Variants in NRDC observed in about 807,000 individuals in gnomAD.
The protein encoded by NRDC is nardilysin.
In NRDC, 54 loss-of-function variants were observed where a neutral mutation model predicts 147.1. The ratio of observed to expected loss-of-function variants is 0.37; its 90% CI spans 0.29 to 0.46. NRDC has a LOEUF of 0.46. Ranked by LOEUF, NRDC falls within the 20% of genes least tolerant of loss-of-function variation. The probability of loss-of-function intolerance (pLI) is 1.00; values close to 1 mark genes in which losing one functional copy is unlikely to be tolerated. For synonymous variants in NRDC, 440 were observed against 482.1 expected, an observed-to-expected ratio of 0.91 and a Z score of 1.14; for missense variants, 1,082 against 1,370.6, an observed-to-expected ratio of 0.79 and a Z score of 3.33.
chr1:51,862,198 T>C (rs369804903), intron 1 of NRDC: 1 of 152,150 alleles, frequency 6.6e-6, no homozygotes, highest in Non-Finnish European at 1.5e-5. Flanking sequence ...CCTGCTTGGG[T>C]TAGCAGTTTT....
At chr1:51,872,251 T>A in intron 1 of NRDC, among the ~76,000 whole-genome samples, 1 of 152,200 alleles carries the variant, frequency 6.6e-6, no homozygotes, top group Middle Eastern at 3.2e-3. Flanking sequence ...CCGCCCAAAG[T>A]GCTAGGATTA....
chr1:51,832,313 T>C (rs991048669), intron 4 of NRDC, among the ~76,000 whole-genome samples: 2 of 152,222 alleles, frequency 1.3e-5, no homozygotes, highest in East Asian at 1.9e-4. Flanking sequence ...CCCCAAAGTG[T>C]TGGGATTACA....
intron 1 of NRDC, among the ~76,000 whole-genome samples, chr1:51,849,145 G>C (rs867075542): frequency 2.0e-5 from 3 of 152,144 alleles, no homozygotes; most frequent in Admixed American, 2.0e-4. Context: ...CTAGCACTTT[G>C]GGAGGCCGAG....
intron 5 of NRDC, among the ~76,000 whole-genome samples, chr1:51,827,575 A>T (rs1425146601): frequency 1.3e-5 from 2 of 152,176 alleles, no homozygotes; most frequent in African/African-American, 4.8e-5. Context: ...CCTTCGAAAA[A>T]CAAAGGATGA....
rs1251663715 is a variant in NRDC at position 51,789,412 on chromosome 1, C to T, written c.3280G>A (p.Glu1094Lys). 2 of 1,614,034 alleles carry T rather than the reference C, an allele frequency of 1.2e-6. No individual in the cohort carries two copies. Among genetic ancestry groups the T allele is most frequent in the Non-Finnish European group, 8.5e-7 (1 of 1,179,946 alleles). The change falls in exon 31 of 31, where the codon GAA becomes AAA. Residue 1094 changes from glutamate (E) to lysine (K), a missense_variant. Transcript: ENST00000352171. ...GAAGGGGTACCATCCTCTTCCAGTT[C>T]ATACTTCCCATATCCAACAACCTGA... ...SVHVVGYGKY[E>K]LEEDGTPSSE... is the part of the protein sequence containing the mutation.
intron 10 of NRDC, among the ~76,000 whole-genome samples, chr1:51,817,699 G>A (rs1464939932): frequency 1.3e-5 from 2 of 152,260 alleles, no homozygotes; most frequent in East Asian, 1.9e-4. Flanking sequence ...GTGCCACCAC[G>A]CCTTGGCTAG....
Position 51,878,686 on chromosome 1 carries a change from G to A in NRDC, c.-71C>T. 1.4e-6 allele frequency: 2 copies of A among 1,405,882 alleles called. No homozygotes were observed. The highest frequency in any genetic ancestry group is 9.7e-7 in the Non-Finnish European group (1 of 1,028,794). 87.1% of individuals were successfully genotyped at this position (1,405,882 alleles called of 1,614,324 possible). A position where few individuals can be genotyped will look rare whatever the true frequency, so the allele number is the denominator to read the frequency against. On this transcript the variant is annotated 5_prime_UTR_variant, in exon 1 of 31. Transcript: ENST00000352171. ...CCTCCTCCGCGTTCTAGAGGCGGTG[G>A]CGGCCGGCCCTGGTGCTGCCGCAGC...
chr1:51,846,961 A>C (rs1013115433), intron 1 of NRDC, among the ~76,000 whole-genome samples: 1 of 151,790 alleles, frequency 6.6e-6, no homozygotes, highest in African/African-American at 2.4e-5. Context: ...TGATTGGTGC[A>C]TTTACAAACC....
chr1:51,823,735 T>C lies in NRDC; in HGVS notation c.1088A>G (p.His363Arg), dbSNP rs372252191. The part of the protein sequence containing the change: ...HEPRKNNIDT[H>R]ARLREFWMRY... ...CATCCAGAATTCTCTCAATCTAGCA[T>C]GTGTATCAATATTATTCTTTCTTGG... Residue 363 changes from histidine (H) to arginine (R), a missense_variant, in exon 7 of 31, where the codon CAT (histidine) becomes CGT (arginine). Physicochemically the swap from His to Arg is conservative, Grantham distance 29. Transcript: ENST00000352171. The C allele has an allele frequency of 1.2e-6, 2 of 1,607,008 alleles. No individual in the cohort carries two copies. Among genetic ancestry groups the C allele is most frequent in the African/African-American group, 1.3e-5 (1 of 74,792 alleles).
chr1:51,803,631 G>A lies in NRDC; in HGVS notation c.2313+183C>T, dbSNP rs188001413. On this transcript the variant is annotated intron_variant, in intron 20 of 30. Transcript: ENST00000352171. ...ATCCCATGCACTGCCAGTAATTAAT[G>A]AAACATATGTTGTTCTTATGGATAG... Among the ~76,000 whole-genome samples the A allele has an allele frequency of 1.8e-3, 278 of 152,318 alleles. 1 individual carries two copies. Among genetic ancestry groups the A allele is most frequent in the African/African-American group, 6.3e-3 (263 of 41,566 alleles).
intron 1 of NRDC, among the ~76,000 whole-genome samples, chr1:51,865,398 G>T (rs544752317): frequency 6.6e-6 from 1 of 151,252 alleles, no homozygotes; most frequent in African/African-American, 2.4e-5. Context: ...CCGCCTCCCC[G>T]GGTTCAAGCG....
intron 4 of NRDC, among the ~76,000 whole-genome samples, chr1:51,833,775 A>AT (rs1041201060): frequency 2.0e-5 from 3 of 151,992 alleles, no homozygotes; most frequent in African/African-American, 7.3e-5. Context: ...TGCTTGGCTA[A>AT]TTTTTTATTT....
chr1:51,856,551 T>C (rs1682252707), intron 1 of NRDC, among the ~76,000 whole-genome samples: 1 of 152,122 alleles, frequency 6.6e-6, no homozygotes, highest in Non-Finnish European at 1.5e-5. Flanking sequence ...TTGTAAAGGA[T>C]ATTACAGATA....
At chr1:51,810,184 CT>C in intron 16 of NRDC, 96 bp downstream of exon 16, 3 of 853,386 alleles carry the variant, frequency 3.5e-6, no homozygotes, top group South Asian at 7.1e-5. Flanking sequence ...AAAAATTATA[CT>C]TTTTCCCCCT....
chr1:51,796,095 G>A (rs1164289240), intron 22 of NRDC, among the ~76,000 whole-genome samples: 1 of 152,096 alleles, frequency 6.6e-6, no homozygotes, highest in Admixed American at 6.5e-5. Flanking sequence ...TGCCCAGGCT[G>A]GTCTCAAACT....
chr1:51,819,940 T>A, intron 8 of NRDC, 67 bp from the exon 9 acceptor site: 1 of 1,140,934 alleles, frequency 8.8e-7, no homozygotes, highest in Non-Finnish European at 1.3e-6. Flanking sequence ...TCTTTAGGGA[T>A]ATCTAACTGA....
At chr1:51,850,176 C>CAA (rs1169739958) in intron 1 of NRDC, among the ~76,000 whole-genome samples, 3 of 147,472 alleles carry the variant, frequency 2.0e-5, no homozygotes, top group Non-Finnish European at 4.5e-5. Context: ...GACTCTATCT[C>CAA]AAAAAAAAAT....
intron 1 of NRDC, among the ~76,000 whole-genome samples, chr1:51,848,174 T>C (rs72901915): frequency 0.026 from 3,963 of 152,264 alleles, 119 homozygotes; most frequent in South Asian, 0.095. Flanking sequence ...GCAAAATGTA[T>C]ATAAATAAAA....
chr1:51,871,054 G>A (rs1036568590), intron 1 of NRDC, among the ~76,000 whole-genome samples: 1 of 151,898 alleles, frequency 6.6e-6, no homozygotes, highest in Admixed American at 6.6e-5. Flanking sequence ...TGGTGCCTCA[G>A]GCCTGCAATC....
Sources: allele counts gnomAD v4.1 joint callset (sites outside exome capture counted in the v4.1 genomes callset), GRCh38; gene constraint gnomAD v4.1.1; transcripts MANE v1.5; gene names NCBI Gene and HGNC (gene_info 2026-07-23, HGNC 2026-07-21).